The following VPS8 variants were observed in gnomAD, a reference collection of about 807,000 sequenced individuals.
The protein encoded by VPS8 is VPS8 subunit of CORVET complex, also known as vacuolar protein sorting-associated protein 8 homolog.
A neutral mutation model predicts 216.4 loss-of-function variants in VPS8; 129 were observed. The observed-to-expected ratio is 0.60, with a 90% CI of 0.52 to 0.69. The LOEUF (loss-of-function observed/expected upper bound fraction) is 0.69. VPS8 is among the 30% of genes least tolerant of loss of function. The probability of loss-of-function intolerance (pLI) is 0.00; values close to 1 mark genes in which losing one functional copy is unlikely to be tolerated. For synonymous variants in VPS8, 571 were observed against 565.4 expected (o/e 1.01, Z -0.14); for missense variants, 1,531 against 1,683.5 (o/e 0.91, Z 1.59).
chr3:185,041,099 G>T (rs1711529827), intron 46 of VPS8, among the ~76,000 whole-genome samples: 1 of 152,088 alleles, frequency 6.6e-6, no homozygotes, highest in South Asian at 2.1e-4. Context: ...CAGCTATTCG[G>T]GAGGCTGAGG....
At chr3:185,027,658 A>G (rs1380389101) in intron 46 of VPS8, among the ~76,000 whole-genome samples, 1 of 152,216 alleles carries the variant, frequency 6.6e-6, no homozygotes, top group Non-Finnish European at 1.5e-5. Context: ...GGCATTTATT[A>G]AATAAATACT....
At chr3:184,965,335 T>C (rs1321735511) in intron 38 of VPS8, among the ~76,000 whole-genome samples, 1 of 152,232 alleles carries the variant, frequency 6.6e-6, no homozygotes, top group East Asian at 1.9e-4. Flanking sequence ...TGTAAATTAC[T>C]CCTATACCTC....
chr3:184,992,267 A>C lies in VPS8; in HGVS notation c.3586-1716A>C, dbSNP rs77934025. ...CACAGTAACTCTTAACAGTACCAAG[A>C]GTTTAATAACCCTTACTCCCTAAGA... On this transcript the variant is annotated intron_variant, in intron 42 of 47. Coordinates refer to ENST00000625842, the MANE Select transcript of VPS8 (RefSeq NM_001009921.3). 8.3e-3 allele frequency among the ~76,000 whole-genome samples: 1,268 copies of C among 152,260 alleles called. 40 individuals are homozygous for C. The highest frequency in any genetic ancestry group is 0.072 in the East Asian group (375 of 5,188).
intron 45 of VPS8, among the ~76,000 whole-genome samples, chr3:185,004,992 T>C (rs1754044455): frequency 6.6e-6 from 1 of 152,052 alleles, no homozygotes; most frequent in Non-Finnish European, 1.5e-5. Context: ...TATACAAGGG[T>C]TTTTATGGAT....
In VPS8 at chr3:184,924,871, G is replaced by A; in HGVS notation, c.2464G>A (p.Glu822Lys). The A allele has an allele frequency of 6.2e-7, 1 of 1,612,876 alleles. No individual in the cohort carries two copies. The highest frequency in any genetic ancestry group is 8.5e-7 in the Non-Finnish European group (1 of 1,179,570). Residue 822 changes from glutamate (E) to lysine (K), a missense_variant, in exon 30 of 48, where the codon GAG (glutamate) becomes AAG (lysine). Transcript: ENST00000625842. Reference sequence around the variant, plus strand: ...CTCCTTTGCTCTTCAGGTTATGGTGGAGAATTCAGACTTTACCCCCTCACA... The same window carrying A: ...CTCCTTTGCTCTTCAGGTTATGGTGAAGAATTCAGACTTTACCCCCTCACA... ...IVDILLKVMVENSDFTPSQVG... is the reference protein window; with the variant it reads ...IVDILLKVMVKNSDFTPSQVG...
chr3:184,922,732 T>G (rs1738853346), intron 29 of VPS8, among the ~76,000 whole-genome samples: 1 of 151,906 alleles, frequency 6.6e-6, no homozygotes, highest in Admixed American at 6.6e-5. Flanking sequence ...AGAGGAGGAG[T>G]ATAGGCAGTG....
intron 37 of VPS8, among the ~76,000 whole-genome samples, chr3:184,957,723 T>C (rs1745848566): frequency 6.6e-6 from 1 of 152,256 alleles, no homozygotes; most frequent in Non-Finnish European, 1.5e-5. Context: ...ACCCATCATG[T>C]AGGAGAGACC....
chr3:185,040,624 G>T (rs769573044), intron 46 of VPS8, among the ~76,000 whole-genome samples: 7 of 152,064 alleles, frequency 4.6e-5, no homozygotes, highest in Non-Finnish European at 1.0e-4. Flanking sequence ...AGAACAAAAT[G>T]ACATCATCAT....
At chr3:184,821,879 A>C (rs1717678036) in intron 1 of VPS8, among the ~76,000 whole-genome samples, 1 of 152,142 alleles carries the variant, frequency 6.6e-6, no homozygotes, top group African/African-American at 2.4e-5. Context: ...CTTCCTCATC[A>C]GTTCCATTTT....
intron 24 of VPS8, among the ~76,000 whole-genome samples, chr3:184,900,290 A>G (rs551323014): frequency 2.0e-4 from 31 of 152,232 alleles, no homozygotes; most frequent in Non-Finnish European, 3.5e-4. Context: ...ACTCAGTAAT[A>G]AGCATCTCTG....
chr3:184,893,574 G>C (rs758456934), intron 22 of VPS8, among the ~76,000 whole-genome samples: 31 of 152,158 alleles, frequency 2.0e-4, no homozygotes, highest in Non-Finnish European at 4.1e-4. Context: ...AACCAAGTTT[G>C]CAATTGTCTG....
chr3:184,926,543 A>G lies in VPS8; in HGVS notation c.2575-51A>G, dbSNP rs1011748595. On this transcript the variant is annotated intron_variant, in intron 30 of 47. Transcript: ENST00000625842. Reference sequence around the variant, plus strand: ...TAGTTATTATTTTTATTATGAGAGTATTAATGTCTAGATGCTGATATCAAA... The same window carrying G: ...TAGTTATTATTTTTATTATGAGAGTGTTAATGTCTAGATGCTGATATCAAA... The G allele has an allele frequency of 1.8e-5, 27 of 1,511,578 alleles. No individual in the cohort carries two copies. The Admixed American group carries it at 5.6e-4, about 31-fold the overall frequency. 93.6% of individuals were successfully genotyped at this position (1,511,578 alleles called of 1,614,324 possible). A position where few individuals can be genotyped will look rare whatever the true frequency, so the allele number is the denominator to read the frequency against.
intron 17 of VPS8, among the ~76,000 whole-genome samples, 192 bp from the exon 18 acceptor site, chr3:184,867,832 C>T (rs1727651346): frequency 6.6e-6 from 1 of 152,048 alleles, no homozygotes; most frequent in African/African-American, 2.4e-5. Context: ...GGCAACAGAG[C>T]GAGACTCTGT....
At chr3:184,970,011 G>C (rs1748146593) in intron 39 of VPS8, among the ~76,000 whole-genome samples, 1 of 141,900 alleles carries the variant, frequency 7.0e-6, no homozygotes, top group Non-Finnish European at 1.5e-5. Context: ...CCAGGTTCAA[G>C]TAATTCTTCC....
intron 28 of VPS8, among the ~76,000 whole-genome samples, chr3:184,919,882 C>G (rs1223826783): frequency 3.9e-5 from 6 of 151,940 alleles, no homozygotes; most frequent in African/African-American, 1.5e-4. Context: ...GCCTTCCTTC[C>G]TTTCTCAAAT....
intron 2 of VPS8, 115 bp downstream of exon 2, chr3:184,824,900 G>A: frequency 1.1e-6 from 1 of 887,358 alleles, no homozygotes; most frequent in Non-Finnish European, 1.7e-6. Context: ...AGGAGTCTGT[G>A]TATAATTTTT....
chr3:185,007,675 A>G (rs967108410), intron 45 of VPS8, among the ~76,000 whole-genome samples: 1 of 152,180 alleles, frequency 6.6e-6, no homozygotes, highest in African/African-American at 2.4e-5. Context: ...AGGGAGTTTT[A>G]TATGGTATTG....
At chr3:184,946,357 T>C (rs1743665524) in intron 36 of VPS8, among the ~76,000 whole-genome samples, 1 of 152,216 alleles carries the variant, frequency 6.6e-6, no homozygotes, top group Non-Finnish European at 1.5e-5. Flanking sequence ...ATTCCACTCA[T>C]GGTTAGCTTG....
At chr3:184,981,554 C>T (rs1032172584) in intron 40 of VPS8, among the ~76,000 whole-genome samples, 1 of 151,386 alleles carries the variant, frequency 6.6e-6, no homozygotes, top group Admixed American at 6.6e-5. Context: ...CTGCCTCAGC[C>T]TCCTGAGTAG....
Sources: gnomAD v4.1 joint callset for allele counts (sites outside exome capture counted in the v4.1 genomes callset) on GRCh38, gnomAD v4.1.1 for gene constraint, MANE v1.5 for transcripts, NCBI Gene and HGNC (gene_info 2026-07-23, HGNC 2026-07-21) for gene names.